SYTL3: variants seen among roughly 807,000 people sequenced by gnomAD.
SYTL3 encodes the protein synaptotagmin like 3.
Under a neutral mutation model 82.1 loss-of-function variants are expected in SYTL3, and 88 were observed. That is an observed-to-expected ratio of 1.07 (90% CI 0.90 to 1.28). The LOEUF (loss-of-function observed/expected upper bound fraction) is 1.28. Among genes scored for constraint, SYTL3 ranks in the 50% most tolerant of loss-of-function variants. The probability of loss-of-function intolerance (pLI) is 0.00; values close to 1 mark genes in which losing one functional copy is unlikely to be tolerated. For missense variants in SYTL3, 831 were observed against 757.6 expected, an observed-to-expected ratio of 1.10 and a Z score of -1.14; for synonymous variants, 311 against 289.4, an observed-to-expected ratio of 1.07 and a Z score of -0.76.
chr6:158,671,820 A>G (rs1029192256), intron 5 of SYTL3, among the ~76,000 whole-genome samples: 4 of 151,668 alleles, frequency 2.6e-5, no homozygotes, highest in African/African-American at 9.7e-5. Context: ...TCTATATGTT[A>G]TACAGCATCT....
chr6:158,663,237 T>C lies in SYTL3; in HGVS notation c.-32T>C. 6.2e-7 allele frequency: 1 copy of C among 1,610,198 alleles called. No homozygotes were observed. The highest frequency in any genetic ancestry group is 8.5e-7 in the Non-Finnish European group (1 of 1,176,566). ...GCGCTTGGTCCATGCAGTGAAGCTC[T>C]TCCAACCTGGGTCAACGAAAACGGA... On this transcript the variant is annotated 5_prime_UTR_variant, in exon 4 of 18. Transcript: ENST00000611299.
At chr6:158,764,344 AGTG>A in intron 17 of SYTL3, 148 bp from the exon 18 acceptor site, 1 of 613,712 alleles carries the variant, frequency 1.6e-6, no homozygotes. Flanking sequence ...TTGGGGTGGG[AGTG>A]GTGGTGGCGG....
intron 5 of SYTL3, among the ~76,000 whole-genome samples, chr6:158,672,592 C>A (rs1164131659): frequency 7.9e-6 from 1 of 126,542 alleles, no homozygotes; most frequent in East Asian, 2.7e-4. Flanking sequence ...CAGCCTTATT[C>A]TCTTTTAAAA....
intron 3 of SYTL3, among the ~76,000 whole-genome samples, chr6:158,662,109 A>G (rs1789444626): frequency 6.6e-6 from 1 of 152,234 alleles, no homozygotes; most frequent in African/African-American, 2.4e-5. Flanking sequence ...ATCATAAATT[A>G]ATATAATGCA....
chr6:158,661,629 A>G (rs1019090395), intron 3 of SYTL3, among the ~76,000 whole-genome samples: 1 of 152,258 alleles, frequency 6.6e-6, no homozygotes, highest in Non-Finnish European at 1.5e-5. Context: ...CTTGGCCTGT[A>G]GGCCCATGAA....
At chr6:158,711,926 G>A (rs769162477) in intron 8 of SYTL3, among the ~76,000 whole-genome samples, 27 of 152,284 alleles carry the variant, frequency 1.8e-4, no homozygotes, top group Non-Finnish European at 3.2e-4. Flanking sequence ...TTATCAGCAA[G>A]GTCTTTATGA....
intron 11 of SYTL3, chr6:158,725,852 C>G (rs982275243): frequency 1.4e-6 from 1 of 712,130 alleles, no homozygotes; most frequent in African/African-American, 1.8e-5. Flanking sequence ...GGAGTTACTC[C>G]AGGTGTGTCA....
chr6:158,725,340 T>C (rs1784589642), intron 10 of SYTL3, among the ~76,000 whole-genome samples, 163 bp from the exon 11 acceptor site: 1 of 152,174 alleles, frequency 6.6e-6, no homozygotes, highest in Admixed American at 6.5e-5. Context: ...TGTGTGTGTG[T>C]GTGCGCACGT....
intron 6 of SYTL3, among the ~76,000 whole-genome samples, chr6:158,694,959 A>T (rs1010976709): frequency 6.6e-6 from 1 of 152,208 alleles, no homozygotes; most frequent in African/African-American, 2.4e-5. Flanking sequence ...AGGAAGAACC[A>T]TGATTAGGTG....
At chr6:158,713,954 T>A in intron 9 of SYTL3, 76 bp downstream of exon 9, 5 of 1,025,616 alleles carry the variant, frequency 4.9e-6, no homozygotes, top group Non-Finnish European at 7.5e-6. Flanking sequence ...GCCTGGCCGG[T>A]GACCTCGGTT....
intron 6 of SYTL3, among the ~76,000 whole-genome samples, chr6:158,700,116 C>T (rs1204246007): frequency 2.0e-5 from 3 of 151,304 alleles, no homozygotes; most frequent in Non-Finnish European, 2.9e-5. Flanking sequence ...AGTAGCCAGG[C>T]GTGGTGGTGC....
chr6:158,746,456 A>ATTAT lies in SYTL3; in HGVS notation c.1034+799_1034+800insTATT, dbSNP rs1554263756. On this transcript the variant is annotated intron_variant, in intron 12 of 17. Transcript: ENST00000611299. ...TAGCACCATTATAATAATAATAATA[A>ATTAT]TAATATTATTATTATTATTATTATT... Among the ~76,000 whole-genome samples the ATTAT allele has an allele frequency of 3.4e-3, 477 of 138,618 alleles. 3 individuals are homozygous for ATTAT. Among genetic ancestry groups the ATTAT allele is most frequent in the Middle Eastern group, 0.011 (3 of 276 alleles). The allele number at this position is 138,618 out of a possible 152,430, so 90.9% of individuals were successfully genotyped here. A position where few individuals can be genotyped will look rare whatever the true frequency, so the allele number is the denominator to read the frequency against.
intron 11 of SYTL3, chr6:158,726,224 C>G: frequency 2.3e-6 from 1 of 433,860 alleles, no homozygotes; most frequent in South Asian, 2.0e-5. Context: ...CACCATCTGT[C>G]AAAGAGGCCT....
chr6:158,714,212 C>T lies in SYTL3; in HGVS notation c.595+334C>T, dbSNP rs1783086537. Among the ~76,000 whole-genome samples, 2 of 152,154 alleles carry T rather than the reference C, an allele frequency of 1.3e-5. 1 individual carries two copies. The highest frequency in any genetic ancestry group is 4.1e-4 in the South Asian group (2 of 4,824). ...ACTAAAAATACAAAAATTAGCCAGG[C>T]ATGGTGGTGGGTGCCTGTAATCCCA... On this transcript the variant is annotated intron_variant, in intron 9 of 17. Transcript: ENST00000611299.
Position 158,725,638 on chromosome 6 carries a change from G to A in SYTL3, c.855+1G>A, listed in dbSNP as rs372836525. The A allele has an allele frequency of 3.5e-5, 56 of 1,612,290 alleles. No individual in the cohort carries two copies. Among genetic ancestry groups the A allele is most frequent in the Non-Finnish European group, 4.6e-5 (54 of 1,179,596 alleles). On this transcript the variant is annotated splice_donor_variant, in intron 11 of 17. Transcript: ENST00000611299. LOFTEE classifies it high-confidence loss of function. ...CATATTCTCTGGAGGTTTTAGACACGTGAGTCTCATTCCAATGCTCTTTTT... is the reference window on the plus strand; with the variant it reads ...CATATTCTCTGGAGGTTTTAGACACATGAGTCTCATTCCAATGCTCTTTTT...
chr6:158,730,706 G>A (rs1203188805), intron 11 of SYTL3, among the ~76,000 whole-genome samples: 2 of 151,748 alleles, frequency 1.3e-5, no homozygotes, highest in African/African-American at 4.9e-5. Flanking sequence ...CATAAGACAA[G>A]GAAGGAAATA....
chr6:158,715,653 C>T (rs1583343456), intron 9 of SYTL3, among the ~76,000 whole-genome samples: 3 of 120,244 alleles, frequency 2.5e-5, no homozygotes, highest in South Asian at 6.4e-4. Context: ...CCCCACCACC[C>T]CCACCCCCTG....
intron 8 of SYTL3, among the ~76,000 whole-genome samples, chr6:158,713,164 A>G (rs1782951873): frequency 6.6e-6 from 1 of 152,056 alleles, no homozygotes; most frequent in Admixed American, 6.5e-5. Context: ...CTACGTGCTC[A>G]TGATGTATTT....
intron 11 of SYTL3, among the ~76,000 whole-genome samples, chr6:158,744,453 G>A (rs903851829): frequency 4.0e-5 from 6 of 151,204 alleles, no homozygotes; most frequent in Non-Finnish European, 8.9e-5. Flanking sequence ...ACTATAGCTG[G>A]GACGCCACCA....
Sources: gnomAD v4.1 joint callset for allele counts (sites outside exome capture counted in the v4.1 genomes callset) on GRCh38, gnomAD v4.1.1 for gene constraint, MANE v1.5 for transcripts, NCBI Gene and HGNC (gene_info 2026-07-23, HGNC 2026-07-21) for gene names.